DAPK2: variants seen among roughly 807,000 people sequenced by gnomAD.
The protein encoded by DAPK2 is death associated protein kinase 2, also known as death-associated protein kinase 2.
Under a neutral mutation model 44.1 loss-of-function variants are expected in DAPK2, and 35 were observed. The ratio of observed to expected loss-of-function variants is 0.79; its 90% CI spans 0.61 to 1.05. DAPK2 has a LOEUF of 1.05. Ranked by LOEUF, DAPK2 falls within the 50% of genes least tolerant of loss-of-function variation. DAPK2 has a pLI of 0.00. For missense variants in DAPK2, 453 were observed against 483.2 expected (o/e 0.94, Z 0.59); for synonymous variants, 174 against 182.6 (o/e 0.95, Z 0.38).
chr15:63,929,690 C>A, intron 5 of DAPK2, 113 bp from the exon 7 acceptor site: 2 of 1,264,202 alleles, frequency 1.6e-6, no homozygotes, highest in Non-Finnish European at 2.3e-6. Context: ...CACAGCAGAC[C>A]CTGGATGCCG....
chr15:63,938,515 C>G (rs1456637208), intron 4 of DAPK2, among the ~76,000 whole-genome samples: 1 of 152,186 alleles, frequency 6.6e-6, no homozygotes, highest in East Asian at 1.9e-4. Context: ...GAAGTTTTAG[C>G]ACCCAGATTT....
chr15:63,936,684 GA>G (rs1039935937), intron 4 of DAPK2, among the ~76,000 whole-genome samples: 1 of 151,520 alleles, frequency 6.6e-6, no homozygotes, highest in Non-Finnish European at 1.5e-5. Flanking sequence ...TTTTTCTCAA[GA>G]ATCCAGTTTT....
rs1469162204 is a variant in DAPK2 at position 63,932,173 on chromosome 15, A to AAAG, written c.584-1719_584-1718insCTT. 3.3e-5 allele frequency among the ~76,000 whole-genome samples: 5 copies of AAAG among 150,084 alleles called. No individual in the cohort carries two copies. In the East Asian group the frequency reaches 9.8e-4, roughly 29 times the overall value. On this transcript the variant is annotated intron_variant, in intron 4 of 10. Transcript: ENST00000261891. ...CAGAGTGAGACCCTGTTTAAAAAAA[A>AAAG]AAAAAAAAAAGGCTGGGCACAGTGG... is the stretch of plus-strand genomic sequence containing the variant.
chr15:64,000,774 T>C (rs1447867351), intron 1 of DAPK2, among the ~76,000 whole-genome samples: 1 of 151,988 alleles, frequency 6.6e-6, no homozygotes, highest in East Asian at 1.9e-4. Flanking sequence ...CCTGGCAAGC[T>C]GGGAATAGGT....
In DAPK2 at chr15:63,981,856, C is replaced by T. The variant is rs566534094; in HGVS notation, c.314+1677G>A. ...AAACATGGAGGACACTGGGAGCTAG[C>T]GAAGGGAAGAGCACAGGCAATTCTA... On this transcript the variant is annotated intron_variant, in intron 2 of 10. Transcript: ENST00000261891. Among the ~76,000 whole-genome samples, 12 of 152,114 alleles carry T rather than the reference C, an allele frequency of 7.9e-5. No individual in the cohort carries two copies. The South Asian group carries it at 2.1e-3, about 26-fold the overall frequency.
At chr15:63,926,475 G>T (rs1376589212) in intron 6 of DAPK2, among the ~76,000 whole-genome samples, 1 of 152,150 alleles carries the variant, frequency 6.6e-6, no homozygotes, top group African/African-American at 2.4e-5. Flanking sequence ...ACAGATATTT[G>T]CATCATTTGT....
intron 3 of DAPK2, among the ~76,000 whole-genome samples, chr15:63,963,152 G>T (rs1567235512): frequency 1.3e-5 from 2 of 152,246 alleles, no homozygotes; most frequent in African/African-American, 2.4e-5. Context: ...CTCTGAGCCA[G>T]GCACGGGATA....
chr15:63,930,238 A>T (rs1047646261), intron 5 of DAPK2, among the ~76,000 whole-genome samples, 169 bp downstream of exon 6: 1 of 152,248 alleles, frequency 6.6e-6, no homozygotes, highest in Non-Finnish European at 1.5e-5. Flanking sequence ...AGAGACCTCC[A>T]GCTGCCCTGG....
intron 1 of DAPK2, among the ~76,000 whole-genome samples, chr15:64,014,594 T>C (rs1443916222): frequency 1.3e-5 from 2 of 152,196 alleles, no homozygotes; most frequent in African/African-American, 4.8e-5. Context: ...AAACAAGGCC[T>C]GATCCCTCAG....
Position 63,908,355 on chromosome 15 carries a change from G to T in DAPK2, c.*165C>A. The T allele has an allele frequency of 2.3e-6, 1 of 436,794 alleles. No individual in the cohort carries two copies. The highest frequency in any genetic ancestry group is 4.1e-6 in the Non-Finnish European group (1 of 246,594). 27.1% of individuals were successfully genotyped at this position (436,794 alleles called of 1,614,324 possible). A position where few individuals can be genotyped will look rare whatever the true frequency, so the allele number is the denominator to read the frequency against. Reference sequence around the variant, plus strand: ...CACAGAAGACAGCCACAGCTCCCAGGGTCTCCTGGCTTGCCTGCAAGCTCT... The same window carrying T: ...CACAGAAGACAGCCACAGCTCCCAGTGTCTCCTGGCTTGCCTGCAAGCTCT... On this transcript the variant is annotated 3_prime_UTR_variant, in exon 11 of 11. Transcript: ENST00000261891. The surrounding 1 kb of genome is among the most constrained non-coding windows in gnomAD (Gnocchi z 5.7).
chr15:63,941,664 G>C (rs1240061263), intron 3 of DAPK2, among the ~76,000 whole-genome samples: 1 of 113,850 alleles, frequency 8.8e-6, no homozygotes, highest in Admixed American at 9.0e-5. Context: ...ATTTCCTTTT[G>C]CATTTTTTTT....
intron 8 of DAPK2, chr15:63,922,257 AG>A: frequency 2.0e-6 from 2 of 987,046 alleles, no homozygotes; most frequent in Non-Finnish European, 2.4e-6. Flanking sequence ...TGCAAACGAA[AG>A]GCAATATTAT....
At chr15:63,909,724 C>T (rs1048367010) in intron 10 of DAPK2, 1 of 152,132 alleles carries the variant, frequency 6.6e-6, no homozygotes, top group African/African-American at 2.4e-5. Context: ...ATCTCTTGAA[C>T]CCGGGAGGCA....
intron 3 of DAPK2, among the ~76,000 whole-genome samples, chr15:63,968,007 G>T (rs993356327): frequency 6.6e-6 from 1 of 152,104 alleles, no homozygotes; most frequent in African/African-American, 2.4e-5. Flanking sequence ...AATATAAGCA[G>T]GAGAGGAAAG....
chr15:63,997,005 C>G (rs1213970898), intron 1 of DAPK2, among the ~76,000 whole-genome samples: 1 of 152,166 alleles, frequency 6.6e-6, no homozygotes, highest in Non-Finnish European at 1.5e-5. Context: ...ACAGAAGGAA[C>G]AGGTCCAAGT....
At position 64,013,833 on chromosome 15, in the gene DAPK2, C is replaced by T. The variant is rs2079451402; in HGVS notation, c.92+26337G>A. 6.6e-6 allele frequency among the ~76,000 whole-genome samples: 1 copy of T among 152,200 alleles called. No individual in the cohort carries two copies. Among genetic ancestry groups the T allele is most frequent in the African/African-American group, 2.4e-5 (1 of 41,452 alleles). On this transcript the variant is annotated intron_variant, in intron 1 of 10. Transcript: ENST00000261891. This position sits in a 1 kb window ranked among gnomAD's most constrained non-coding sequence, Gnocchi z 4.7. ...GGACCAGTCCCTGTAAGTGGTCCAG[C>T]CTCACATGAATAAATCATGATGCCA...
At chr15:64,033,280 G>A (rs59101084) in intron 1 of DAPK2, among the ~76,000 whole-genome samples, 7,018 of 82,800 alleles carry the variant, frequency 0.085, 732 homozygotes, top group African/African-American at 0.18. Context: ...AGGGGGAAGG[G>A]GGAAGGGGGA....
chr15:63,983,906 C>T (rs1165486567), intron 1 of DAPK2, 152 bp from the exon 3 acceptor site: 2 of 723,930 alleles, frequency 2.8e-6, no homozygotes, highest in African/African-American at 3.5e-5. Context: ...TGATGACAAC[C>T]TGTGGATGAG....
intron 1 of DAPK2, among the ~76,000 whole-genome samples, chr15:64,030,191 GGCAGGAGAATC>G (rs1396788268): frequency 6.6e-6 from 1 of 152,142 alleles, no homozygotes; most frequent in Non-Finnish European, 1.5e-5. Flanking sequence ...GGGAGGCTGA[GGCAGGAGAATC>G]GCTTGAACCC....
Sources: allele counts gnomAD v4.1 joint callset (sites outside exome capture counted in the v4.1 genomes callset), GRCh38; gene constraint gnomAD v4.1.1; non-coding constraint Gnocchi (gnomAD v3.1); transcripts MANE v1.5; gene names NCBI Gene and HGNC (gene_info 2026-07-23, HGNC 2026-07-21).